FGD4: variants seen among roughly 807,000 people sequenced by gnomAD.
FGD4 encodes FYVE, RhoGEF and PH domain containing 4.
A neutral mutation model predicts 102.0 loss-of-function variants in FGD4; 42 were observed. That is an observed-to-expected ratio of 0.41 (90% CI 0.32 to 0.53). The LOEUF is 0.53. Among genes scored for constraint, FGD4 ranks in the 20% least tolerant of loss-of-function variants. FGD4 has a pLI of 0.21. For synonymous variants in FGD4, 380 were observed against 375.7 expected (o/e 1.01, Z -0.13); for missense variants, 902 against 1,078.2 (o/e 0.84, Z 2.29).
At chr12:32,602,660 C>A (rs1948497960) in intron 7 of FGD4, among the ~76,000 whole-genome samples, 1 of 152,204 alleles carries the variant, frequency 6.6e-6, no homozygotes. Flanking sequence ...TTGCTGTAAA[C>A]CTTGAGATTT....
intron 10 of FGD4, 109 bp downstream of exon 10, chr12:32,611,392 G>T: frequency 7.7e-7 from 1 of 1,291,298 alleles, no homozygotes; most frequent in Non-Finnish European, 1.1e-6. Flanking sequence ...GAGGCGAGTG[G>T]ATCTCCTGAG....
intron 1 of FGD4, among the ~76,000 whole-genome samples, chr12:32,520,644 GC>G (rs1287986690): frequency 6.6e-6 from 1 of 151,972 alleles, no homozygotes; most frequent in Admixed American, 6.6e-5. Flanking sequence ...CACCGTGTTA[GC>G]CAGGATGGTC....
At chr12:32,562,081 G>A (rs374893922) in intron 1 of FGD4, among the ~76,000 whole-genome samples, 3 of 152,156 alleles carry the variant, frequency 2.0e-5, no homozygotes, top group African/African-American at 4.8e-5. Flanking sequence ...CAGCTGTCAC[G>A]TTGGGCTTTC....
At chr12:32,458,643 A>G (rs141281178) in intron 1 of FGD4, among the ~76,000 whole-genome samples, 25 of 152,330 alleles carry the variant, frequency 1.6e-4, no homozygotes, top group Admixed American at 8.5e-4. Flanking sequence ...TCCATCGCCC[A>G]TAACAATTAT....
intron 1 of FGD4, among the ~76,000 whole-genome samples, chr12:32,466,781 T>C (rs1338527524): frequency 1.4e-5 from 2 of 141,552 alleles, no homozygotes; most frequent in Non-Finnish European, 3.0e-5. Flanking sequence ...AACAGGAAAA[T>C]CACTTGAAGA....
intron 1 of FGD4, among the ~76,000 whole-genome samples, chr12:32,441,291 A>G (rs80279011): frequency 0.041 from 6,182 of 152,180 alleles, 194 homozygotes; most frequent in Middle Eastern, 0.13. Context: ...GGCTACCCAA[A>G]GCCCTCAGTG....
At chr12:32,418,013 G>A (rs991689818) in intron 1 of FGD4, among the ~76,000 whole-genome samples, 7 of 146,548 alleles carry the variant, frequency 4.8e-5, no homozygotes, top group Non-Finnish European at 1.0e-4. Context: ...CTGGAGTGCA[G>A]TGGCACAATC....
At chr12:32,603,277 T>A (rs1948543009) in intron 7 of FGD4, among the ~76,000 whole-genome samples, 2 of 152,372 alleles carry the variant, frequency 1.3e-5, no homozygotes, top group South Asian at 4.1e-4. Flanking sequence ...TCTGTCAGTC[T>A]TTGTCTGGGA....
intron 11 of FGD4, among the ~76,000 whole-genome samples, chr12:32,620,245 ATGCTAATC>A (rs1223185621): frequency 6.6e-6 from 1 of 152,182 alleles, no homozygotes; most frequent in Non-Finnish European, 1.5e-5. Context: ...TTATTATTCC[ATGCTAATC>A]TCTGAGTCTT....
intron 1 of FGD4, among the ~76,000 whole-genome samples, chr12:32,469,737 G>A (rs1457922805): frequency 6.6e-6 from 1 of 151,364 alleles, no homozygotes; most frequent in African/African-American, 2.4e-5. Context: ...TCGACTCATC[G>A]CAACCTCTGC....
In FGD4 at chr12:32,564,159, C is replaced by T. The variant is rs1360076799; in HGVS notation, c.189C>T (p.Ile63=). The change falls in exon 2 of 17, where the codon ATC becomes ATT. Residue 63 remains isoleucine, a synonymous_variant. Coordinates refer to ENST00000534526, the MANE Select transcript of FGD4 (RefSeq NM_001370298.3). ...CAGGCAGCAGTACCTGTCCAAAGAT[C>T]GCTTTAGTTCCACCTTGCTCCACAA... The part of the protein sequence containing the change: ...GATGSSTCPK[I]ALVPPCSTSS... The T allele has an allele frequency of 1.3e-6, 2 of 1,535,946 alleles. No homozygotes were observed. Among genetic ancestry groups the T allele is most frequent in the East Asian group, 2.4e-5 (1 of 40,904 alleles).
intron 1 of FGD4, among the ~76,000 whole-genome samples, chr12:32,453,211 TATA>T (rs1942843360): frequency 1.5e-5 from 1 of 66,906 alleles, no homozygotes; most frequent in South Asian, 6.3e-4. Flanking sequence ...TATATATATA[TATA>T]TATATAATAT....
chr12:32,603,610 C>T (rs1345662450), intron 7 of FGD4, among the ~76,000 whole-genome samples: 2 of 152,090 alleles, frequency 1.3e-5, no homozygotes, highest in East Asian at 1.9e-4. Context: ...TGATCTCTAT[C>T]TCCTGACCTT....
At chr12:32,485,875 C>T (rs1943882713) in intron 1 of FGD4, 1 of 1,243,254 alleles carries the variant, frequency 8.0e-7, no homozygotes, top group East Asian at 3.2e-5. Flanking sequence ...TTTTGAAACA[C>T]CTTCGTGGAA....
At position 32,463,091 on chromosome 12, in the gene FGD4, C is replaced by A. The variant is rs547963888; in HGVS notation, c.166+63132C>A. On this transcript the variant is annotated intron_variant, in intron 1 of 16. Transcript: ENST00000534526. ...TGAAAACTGCTGCCTCAGATGCTGA[C>A]TGAACTGGGCAACCAGTGTTGAACA... Among the ~76,000 whole-genome samples the A allele has an allele frequency of 1.1e-4, 16 of 152,348 alleles. No individual in the cohort carries two copies. The South Asian group carries it at 1.2e-3, about 12-fold the overall frequency.
rs538077222 is a variant in FGD4 at position 32,501,925 on chromosome 12, T to G, written c.167-62212T>G. 1.2e-4 allele frequency: 66 copies of G among 532,578 alleles called. No individual in the cohort carries two copies. The African/African-American group carries it at 1.4e-3, about 11-fold the overall frequency. The allele number at this position is 532,578 out of a possible 1,614,324, so 33.0% of individuals were successfully genotyped here. On this transcript the variant is annotated intron_variant, in intron 1 of 16. Coordinates refer to ENST00000534526, the MANE Select transcript of FGD4 (RefSeq NM_001370298.3). ...GGAGTTTGTACCACCAAGGGTAAAT[T>G]TGCTGGAAAGCTTTTAGTTGGGCTG...
intron 2 of FGD4, among the ~76,000 whole-genome samples, chr12:32,566,660 TCAATCAACAGTAC>T (rs146245019): frequency 0.032 from 4,819 of 152,290 alleles, 279 homozygotes; most frequent in African/African-American, 0.11. Flanking sequence ...GGTCAGTAAG[TCAATCAACAGTAC>T]CCAGTAATGA....
chr12:32,601,732 A>T (rs1168332106), intron 6 of FGD4, among the ~76,000 whole-genome samples: 6 of 152,204 alleles, frequency 3.9e-5, no homozygotes, highest in Non-Finnish European at 8.8e-5. Flanking sequence ...GCCTCACAGT[A>T]CGGTGAATGA....
At chr12:32,621,409 G>A (rs148954216) in intron 11 of FGD4, among the ~76,000 whole-genome samples, 2 of 152,296 alleles carry the variant, frequency 1.3e-5, no homozygotes, top group African/African-American at 4.8e-5. Context: ...CCTAGCTGTA[G>A]TGGTGTCAAT....
Sources: gnomAD v4.1 joint callset for allele counts (sites outside exome capture counted in the v4.1 genomes callset) on GRCh38, gnomAD v4.1.1 for gene constraint, MANE v1.5 for transcripts, NCBI Gene and HGNC (gene_info 2026-07-23, HGNC 2026-07-21) for gene names.